The following RCAN1 variants were observed in gnomAD, a reference collection of about 807,000 sequenced individuals.
RCAN1 encodes regulator of calcineurin 1.
Under a neutral mutation model 22.9 loss-of-function variants are expected in RCAN1, and 11 were observed. That is an observed-to-expected ratio of 0.48 (90% CI 0.30 to 0.79). The LOEUF (loss-of-function observed/expected upper bound fraction) is 0.79. Ranked by LOEUF, RCAN1 falls within the 30% of genes least tolerant of loss-of-function variation. RCAN1 has a pLI of 0.06. For synonymous variants in RCAN1, 136 were observed against 142.3 expected (o/e 0.96, Z 0.32); for missense variants, 291 against 337.8 (o/e 0.86, Z 1.09).
At position 34,527,288 on chromosome 21, in the gene RCAN1, G is replaced by A. The variant is rs149126988; in HGVS notation, c.253-3578C>T. ...TTGGGAAACCTGGAAACCAAAGTCC[G>A]GGTGACATACTTGATCCCTGGAATT... On this transcript the variant is annotated intron_variant, in intron 1 of 3. Coordinates refer to ENST00000313806, the MANE Select transcript of RCAN1 (RefSeq NM_004414.7). Among the ~76,000 whole-genome samples, 58 of 151,554 alleles carry A rather than the reference G, an allele frequency of 3.8e-4. No individual in the cohort carries two copies. The East Asian group carries it at 8.7e-3, about 23-fold the overall frequency.
intron 1 of RCAN1, among the ~76,000 whole-genome samples, chr21:34,583,936 CAT>C (rs1987707468): frequency 6.6e-6 from 1 of 152,104 alleles, no homozygotes; most frequent in Non-Finnish European, 1.5e-5. Flanking sequence ...ATTACACACA[CAT>C]ACACACATAT....
chr21:34,521,028 T>G, intron 3 of RCAN1: 1 of 1,129,898 alleles, frequency 8.9e-7, no homozygotes, highest in Non-Finnish European at 1.1e-6. Context: ...CACCATGGCC[T>G]ATGGTTCTCC....
intron 1 of RCAN1, among the ~76,000 whole-genome samples, chr21:34,562,795 A>G (rs2251936): frequency 0.68 from 102,955 of 152,048 alleles, 35,918 homozygotes; most frequent in African/African-American, 0.84. Context: ...GTGGTGATGA[A>G]GATTCAATGA....
rs1458264536 is a variant in RCAN1, at chr21:34,518,874, G to C, written c.587-618C>G. On this transcript the variant is annotated intron_variant, in intron 3 of 3. Coordinates refer to ENST00000313806, the MANE Select transcript of RCAN1 (RefSeq NM_004414.7). The surrounding 1 kb of genome is among the most constrained non-coding windows in gnomAD (Gnocchi z 4.2). ...TGTCAGCCTGAGTTCTACCAGGTTG[G>C]CCAAGTTCAGGCCACTCTGGTCCAG... is the stretch of plus-strand genomic sequence containing the variant. Among the ~76,000 whole-genome samples, 1 of 152,174 alleles carries C rather than the reference G, an allele frequency of 6.6e-6. No homozygotes were observed. Among genetic ancestry groups the C allele is most frequent in the African/African-American group, 2.4e-5 (1 of 41,434 alleles).
intron 1 of RCAN1, among the ~76,000 whole-genome samples, chr21:34,561,308 G>C (rs1045304263): frequency 1.3e-5 from 2 of 152,094 alleles, no homozygotes; most frequent in Non-Finnish European, 2.9e-5. Context: ...GTAAATACGG[G>C]ATAAAAGTTC....
chr21:34,572,161 A>T (rs906980645), intron 1 of RCAN1, among the ~76,000 whole-genome samples: 1 of 152,196 alleles, frequency 6.6e-6, no homozygotes, highest in Non-Finnish European at 1.5e-5. Context: ...ACTATGGCCC[A>T]GGGATTTCGC....
chr21:34,535,251 T>C (rs1222271086), intron 1 of RCAN1, among the ~76,000 whole-genome samples: 1 of 152,218 alleles, frequency 6.6e-6, no homozygotes, highest in African/African-American at 2.4e-5. Context: ...AGAAGAACAT[T>C]CTTCTTGATA....
rs1330686360 is a variant in RCAN1, at chr21:34,614,822, G to A, written c.190C>T (p.Leu64=). Residue 64 remains leucine, a synonymous_variant, in exon 1 of 4, where the codon CTG becomes TTG. Coordinates refer to ENST00000313806, the MANE Select transcript of RCAN1 (RefSeq NM_004414.7). This position sits in a 1 kb window ranked among gnomAD's most constrained non-coding sequence, Gnocchi z 6.0. ...TGACAGGCGATGGTGGCGCTGGGCA[G>A]GTCCTGCAGGTCCACCTCCTCCATC... ...CEMEEVDLQD[L]PSATIACHLD... is the part of the protein sequence containing the mutation. The A allele has an allele frequency of 4.0e-6, 6 of 1,490,026 alleles. No homozygotes were observed. In the South Asian group the frequency reaches 6.2e-5, roughly 15 times the overall value. 92.3% of individuals were successfully genotyped at this position (1,490,026 alleles called of 1,614,324 possible).
intron 1 of RCAN1, among the ~76,000 whole-genome samples, chr21:34,533,033 T>G (rs1264566750): frequency 2.6e-5 from 4 of 151,388 alleles, no homozygotes; most frequent in Non-Finnish European, 4.4e-5. Context: ...CTATCTCGGC[T>G]CACTGCAAGC....
intron 1 of RCAN1, among the ~76,000 whole-genome samples, chr21:34,544,595 A>G (rs550619405): frequency 6.6e-6 from 1 of 152,360 alleles, no homozygotes; most frequent in Non-Finnish European, 1.5e-5. Context: ...ACACAGCAAT[A>G]GAAAACTAAT....
intron 1 of RCAN1, among the ~76,000 whole-genome samples, chr21:34,610,087 A>G (rs1262497138): frequency 6.6e-6 from 1 of 152,200 alleles, no homozygotes; most frequent in Non-Finnish European, 1.5e-5. Context: ...TTTCCAGTGC[A>G]ATAGAACCCA....
chr21:34,576,593 T>C (rs2123690788), intron 1 of RCAN1, among the ~76,000 whole-genome samples: 1 of 152,304 alleles, frequency 6.6e-6, no homozygotes, highest in South Asian at 2.1e-4. Context: ...AGCCAGCAAG[T>C]AGTCTTTAGA....
At chr21:34,578,410 C>G (rs978521312) in intron 1 of RCAN1, among the ~76,000 whole-genome samples, 1 of 152,200 alleles carries the variant, frequency 6.6e-6, no homozygotes, top group Non-Finnish European at 1.5e-5. Flanking sequence ...AAGCAGCCAT[C>G]AGCCAGCATC....
At chr21:34,586,174 G>A (rs1363250156) in intron 1 of RCAN1, among the ~76,000 whole-genome samples, 2 of 152,196 alleles carry the variant, frequency 1.3e-5, no homozygotes, top group Middle Eastern at 3.4e-3. Context: ...TAAACAATAC[G>A]AATAACAAAC....
At chr21:34,570,223 T>C (rs914825696) in intron 1 of RCAN1, among the ~76,000 whole-genome samples, 5 of 152,116 alleles carry the variant, frequency 3.3e-5, no homozygotes, top group African/African-American at 1.2e-4. Flanking sequence ...TTTCTAAAGA[T>C]GTAGAGGTTA....
intron 1 of RCAN1, chr21:34,613,765 AT>A (rs1342537515): frequency 6.7e-7 from 1 of 1,486,640 alleles, no homozygotes; most frequent in African/African-American, 1.4e-5. Context: ...GAACATATAA[AT>A]TATAAATAAA....
At chr21:34,526,876 C>G (rs373151975) in intron 1 of RCAN1, 36 of 1,451,580 alleles carry the variant, frequency 2.5e-5, no homozygotes, top group Admixed American at 9.7e-5. Flanking sequence ...AGCCCCCACT[C>G]CCTGGGGAAA....
chr21:34,564,061 C>A (rs1475357099), intron 1 of RCAN1, among the ~76,000 whole-genome samples: 1 of 151,912 alleles, frequency 6.6e-6, no homozygotes, highest in Non-Finnish European at 1.5e-5. Context: ...GCCTCAGGAA[C>A]CTTACAATCA....
rs1337733698 is a variant in RCAN1 at position 34,518,540 on chromosome 21, C to A, written c.587-284G>T. On this transcript the variant is annotated intron_variant, in intron 3 of 3. Coordinates refer to ENST00000313806, the MANE Select transcript of RCAN1 (RefSeq NM_004414.7). This position sits in a 1 kb window ranked among gnomAD's most constrained non-coding sequence, Gnocchi z 4.2. ...ATTTTTCTAGTTATACTTCACATGT[C>A]CACCAGATATCTAAACTACCCAGAG... Among the ~76,000 whole-genome samples, 3 of 152,226 alleles carry A rather than the reference C, an allele frequency of 2.0e-5. No individual in the cohort carries two copies. Among genetic ancestry groups the A allele is most frequent in the African/African-American group, 4.8e-5 (2 of 41,446 alleles).
Sources: allele counts gnomAD v4.1 joint callset (sites outside exome capture counted in the v4.1 genomes callset), GRCh38; gene constraint gnomAD v4.1.1; non-coding constraint Gnocchi (gnomAD v3.1); transcripts MANE v1.5; gene names NCBI Gene and HGNC (gene_info 2026-07-23, HGNC 2026-07-21).